The following PCDHGA7 variants were observed in gnomAD, a reference collection of about 807,000 sequenced individuals.
The protein encoded by PCDHGA7 is protocadherin gamma subfamily A, 7.
A neutral mutation model predicts 58.3 loss-of-function variants in PCDHGA7; 44 were observed. The observed-to-expected ratio is 0.75, with a 90% CI of 0.59 to 0.97. The LOEUF (loss-of-function observed/expected upper bound fraction) is 0.97. PCDHGA7 is among the 50% of genes least tolerant of loss of function. The probability of loss-of-function intolerance (pLI) is 0.00; values close to 1 mark genes in which losing one functional copy is unlikely to be tolerated. For missense variants in PCDHGA7, 1,266 were observed against 1,188.7 expected, an observed-to-expected ratio of 1.06 and a Z score of -0.96; for synonymous variants, 516 against 504.2, an observed-to-expected ratio of 1.02 and a Z score of -0.31.
chr5:141,400,314 C>G (rs764415393), intron 1 of PCDHGA7: 1 of 1,614,078 alleles, frequency 6.2e-7, no homozygotes, highest in Non-Finnish European at 8.5e-7. Flanking sequence ...GTCTCTGTGT[C>G]AAGTCTGGAC....
At chr5:141,449,933 G>A (rs1012332454) in intron 1 of PCDHGA7, among the ~76,000 whole-genome samples, 1 of 149,752 alleles carries the variant, frequency 6.7e-6, no homozygotes, top group African/African-American at 2.5e-5. Flanking sequence ...ATACCTTATA[G>A]TATATTTTAC....
chr5:141,399,682 G>A (rs778817737), intron 1 of PCDHGA7: 14 of 1,613,512 alleles, frequency 8.7e-6, no homozygotes, highest in Non-Finnish European at 1.2e-5. Flanking sequence ...CTTTGACTAC[G>A]AGCAGCTGCG....
Position 141,490,330 on chromosome 5 carries a change from C to T in PCDHGA7, c.2425-4477C>T, listed in dbSNP as rs2099698666. ...GGCCAACCCTGTCCTAGAGAGCACA[C>T]CAGTGGGCACAGTAGTGGGGTTGTT... is the stretch of plus-strand genomic sequence containing the variant. On this transcript the variant is annotated intron_variant, in intron 1 of 3. Transcript: ENST00000518325. The surrounding 1 kb of genome is among the most constrained non-coding windows in gnomAD (Gnocchi z 5.4). 6.2e-7 allele frequency: 1 copy of T among 1,614,080 alleles called. No individual in the cohort carries two copies. Among genetic ancestry groups the T allele is most frequent in the Non-Finnish European group, 8.5e-7 (1 of 1,180,042 alleles).
Position 141,495,110 on chromosome 5 carries a change from T to C in PCDHGA7, c.2483+245T>C, listed in dbSNP as rs74534116. Among the ~76,000 whole-genome samples the C allele has an allele frequency of 3.9e-3, 595 of 152,212 alleles. 3 individuals carry two copies. The highest frequency in any genetic ancestry group is 0.013 in the African/African-American group (538 of 41,532). On this transcript the variant is annotated intron_variant, in intron 2 of 3. Coordinates refer to ENST00000518325, the MANE Select transcript of PCDHGA7 (RefSeq NM_018920.4). The stretch of plus-strand genomic sequence containing the variant: ...TTCCCTCCTCGCCACGACCGGCACC[T>C]TTTCCTATCCCCTGAGGGCACTGTG...
Position 141,485,784 on chromosome 5 carries a change from A to G in PCDHGA7, c.2425-9023A>G, listed in dbSNP as rs760859851. The G allele has an allele frequency of 1.9e-6, 3 of 1,614,096 alleles. No individual in the cohort carries two copies. The African/African-American group carries it at 4.0e-5, about 22-fold the overall frequency. On this transcript the variant is annotated intron_variant, in intron 1 of 3. Transcript: ENST00000518325. This position sits in a 1 kb window ranked among gnomAD's most constrained non-coding sequence, Gnocchi z 5.7. Reference sequence around the variant, plus strand: ...CTGGAGAAGCCTTTGGATCGAGAGAAGCAATCGGACTACCGCCTGGTGCTG... The same window carrying G: ...CTGGAGAAGCCTTTGGATCGAGAGAGGCAATCGGACTACCGCCTGGTGCTG...
At chr5:141,445,890 T>A (rs1435563284) in intron 1 of PCDHGA7, among the ~76,000 whole-genome samples, 1 of 152,210 alleles carries the variant, frequency 6.6e-6, no homozygotes, top group Non-Finnish European at 1.5e-5. Flanking sequence ...ACTTAGGAGC[T>A]ATTAAAATAT....
At position 141,491,679 on chromosome 5, in the gene PCDHGA7, T is replaced by C. The variant is rs111288145; in HGVS notation, c.2425-3128T>C. On this transcript the variant is annotated intron_variant, in intron 1 of 3. Coordinates refer to ENST00000518325, the MANE Select transcript of PCDHGA7 (RefSeq NM_018920.4). This position sits in a 1 kb window ranked among gnomAD's most constrained non-coding sequence, Gnocchi z 6.9. ...CTGACGCCATCCGGTCCCGCTCTAA[T>C]ACGCTGCGGGAGCGGAGCCAGGTGA... is the stretch of plus-strand genomic sequence containing the variant. 21 of 1,613,378 alleles carry C rather than the reference T, an allele frequency of 1.3e-5. No homozygotes were observed. Among genetic ancestry groups the C allele is most frequent in the Middle Eastern group, 1.6e-4 (1 of 6,078 alleles).
chr5:141,385,282 G>A lies in PCDHGA7; in HGVS notation c.2383G>A (p.Val795Ile), dbSNP rs769141713. The part of the protein sequence containing the change: ...CEKNDSLLTS[V>I]DFQECKENLP... ...GAAAAATGATTCTTTGCTAACATCC[G>A]TAGATTTTCAGGAATGTAAAGAAAA... The change falls in exon 1 of 4, where the codon GTA becomes ATA. Residue 795 changes from valine (V) to isoleucine (I), a missense_variant. Physicochemically the swap from Val to Ile is conservative, Grantham distance 29. Transcript: ENST00000518325. 9.3e-6 allele frequency: 15 copies of A among 1,613,370 alleles called. No homozygotes were observed. The Admixed American group carries it at 1.8e-4, about 20-fold the overall frequency.
intron 1 of PCDHGA7, chr5:141,405,016 C>T: frequency 6.2e-7 from 1 of 1,614,006 alleles, no homozygotes; most frequent in Non-Finnish European, 8.5e-7. Flanking sequence ...AGGCCTCAGA[C>T]CTTACCCTCT....
At chr5:141,388,536 G>A (rs1262935958) in intron 1 of PCDHGA7, 1 of 1,613,716 alleles carries the variant, frequency 6.2e-7, no homozygotes, top group Non-Finnish European at 8.5e-7. Context: ...CTTGGACTTT[G>A]GAGCTCCACC....
At position 141,477,681 on chromosome 5, in the gene PCDHGA7, T is replaced by C; in HGVS notation, c.2425-17126T>C. On this transcript the variant is annotated intron_variant, in intron 1 of 3. Coordinates refer to ENST00000518325, the MANE Select transcript of PCDHGA7 (RefSeq NM_018920.4). The surrounding 1 kb of genome is among the most constrained non-coding windows in gnomAD (Gnocchi z 4.9). The stretch of plus-strand genomic sequence containing the variant: ...CGTGACAATGGCATAGTGTCATCCT[T>C]AGTGCCCCTAGACTATGAGGATCGG... 6.2e-7 allele frequency: 1 copy of C among 1,614,180 alleles called. No individual in the cohort carries two copies. The highest frequency in any genetic ancestry group is 8.5e-7 in the Non-Finnish European group (1 of 1,180,046).
intron 1 of PCDHGA7, chr5:141,422,759 A>G (rs2096670710): frequency 6.2e-7 from 1 of 1,613,252 alleles, no homozygotes; most frequent in Non-Finnish European, 8.5e-7. Flanking sequence ...ATTAACTCCA[A>G]CACTGGTGTT....
chr5:141,415,001 C>G (rs1326591845), intron 1 of PCDHGA7: 2 of 1,613,712 alleles, frequency 1.2e-6, no homozygotes, highest in Non-Finnish European at 1.7e-6. Context: ...GCCTGGCTGT[C>G]CTACCGTCTG....
At chr5:141,448,247 A>G (rs1449158776) in intron 1 of PCDHGA7, among the ~76,000 whole-genome samples, 1 of 152,104 alleles carries the variant, frequency 6.6e-6, no homozygotes, top group Non-Finnish European at 1.5e-5. Flanking sequence ...TTTGCACAAC[A>G]GGATCATTTT....
At chr5:141,478,498 G>A in intron 1 of PCDHGA7, 8 of 1,612,712 alleles carry the variant, frequency 5.0e-6, no homozygotes, top group South Asian at 1.1e-5. Context: ...GCTGTGATCC[G>A]GTGTTCTATA....
At chr5:141,389,572 C>T in intron 1 of PCDHGA7, 3 of 1,613,282 alleles carry the variant, frequency 1.9e-6, no homozygotes, top group Non-Finnish European at 2.5e-6. Flanking sequence ...GTGCTGTACC[C>T]CGCGCTGGGT....
At chr5:141,449,958 A>AT (rs962794399) in intron 1 of PCDHGA7, among the ~76,000 whole-genome samples, 8 of 148,830 alleles carry the variant, frequency 5.4e-5, no homozygotes, top group African/African-American at 2.0e-4. Context: ...CCTCATAGTA[A>AT]TTTTTTTTAG....
At chr5:141,426,621 C>G (rs984316174) in intron 1 of PCDHGA7, 1 of 392,280 alleles carries the variant, frequency 2.5e-6, no homozygotes, top group Non-Finnish European at 5.2e-6. Flanking sequence ...AGAGAATCCT[C>G]TAAATGTTTT....
chr5:141,384,244 C>T lies in PCDHGA7; in HGVS notation c.1345C>T (p.Pro449Ser). 1 of 1,613,828 alleles carries T rather than the reference C, an allele frequency of 6.2e-7. No homozygotes were observed. The highest frequency in any genetic ancestry group is 1.6e-4 in the Middle Eastern group (1 of 6,062). ...GCAGGTGGCAGACACCAACGATAAC[C>T]CACCCACCTTCCCCCACTCATCCTA... ...FMQVADTNDN[P>S]PTFPHSSYSV... Residue 449 changes from proline to serine, a missense_variant, in exon 1 of 4, where the codon CCA becomes TCA. Coordinates refer to ENST00000518325, the MANE Select transcript of PCDHGA7 (RefSeq NM_018920.4).
Sources: gnomAD v4.1 joint callset for allele counts (sites outside exome capture counted in the v4.1 genomes callset) on GRCh38, gnomAD v4.1.1 for gene constraint, Gnocchi (gnomAD v3.1) non-coding constraint, MANE v1.5 for transcripts, NCBI Gene and HGNC (gene_info 2026-07-23, HGNC 2026-07-21) for gene names.